Variants in CSMD1 observed in about 807,000 individuals in gnomAD.
The protein encoded by CSMD1 is CUB and sushi domain-containing protein 1.
CSMD1 carries 213 observed loss-of-function variants against 417.5 expected under a neutral mutation model. The observed-to-expected ratio is 0.51, with a 90% CI of 0.46 to 0.57. The LOEUF (loss-of-function observed/expected upper bound fraction) is 0.57, where lower values mean the gene tolerates loss of function less well. Ranked by LOEUF, CSMD1 falls within the 20% of genes least tolerant of loss-of-function variation. The pLI, the probability that CSMD1 is intolerant of heterozygous loss-of-function variation, is 0.00. For synonymous variants in CSMD1, 2,862 were observed against 1,736.8 expected (o/e 1.65, Z -16.11); for missense variants, 6,923 against 4,529.7 (o/e 1.53, Z -15.17).
chr8:2,993,283 G>C (rs376567315), intron 54 of CSMD1, among the ~76,000 whole-genome samples: 1 of 152,158 alleles, frequency 6.6e-6, no homozygotes, highest in African/African-American at 2.4e-5. Context: ...GCAACAAATG[G>C]GTGTGGATTG....
At chr8:3,296,680 C>T (rs557490584) in intron 25 of CSMD1, among the ~76,000 whole-genome samples, 43 of 152,176 alleles carry the variant, frequency 2.8e-4, no homozygotes, top group African/African-American at 8.2e-4. Context: ...GTCCTGGATA[C>T]GTTTTGAAGG....
intron 5 of CSMD1, among the ~76,000 whole-genome samples, chr8:3,829,662 C>A (rs1585057469): frequency 6.6e-6 from 1 of 152,134 alleles, no homozygotes; most frequent in Non-Finnish European, 1.5e-5. Context: ...TTCTATGATG[C>A]AAATGTCCTC....
At chr8:4,441,304 G>T (rs1798466992) in intron 2 of CSMD1, among the ~76,000 whole-genome samples, 1 of 142,520 alleles carries the variant, frequency 7.0e-6, no homozygotes, top group Non-Finnish European at 1.5e-5. Context: ...TAGAGAGGGA[G>T]GTCTCACTCT....
intron 5 of CSMD1, among the ~76,000 whole-genome samples, chr8:3,760,466 C>T (rs1994057): frequency 0.33 from 49,816 of 151,980 alleles, 8,428 homozygotes; most frequent in Non-Finnish European, 0.37. Context: ...AATAATTGTA[C>T]CATACATTTT....
intron 52 of CSMD1, among the ~76,000 whole-genome samples, chr8:3,017,091 T>C (rs1308806681): frequency 6.6e-6 from 1 of 152,238 alleles, no homozygotes; most frequent in East Asian, 1.9e-4. Flanking sequence ...AGATTACGGA[T>C]GTTTGTAAGC....
intron 1 of CSMD1, among the ~76,000 whole-genome samples, chr8:4,954,247 C>T (rs1808936534): frequency 6.6e-6 from 1 of 152,114 alleles, no homozygotes; most frequent in Non-Finnish European, 1.5e-5. Context: ...TATTTTTAAA[C>T]AATTACCAAT....
chr8:3,399,344 A>C, intron 16 of CSMD1, 47 bp downstream of exon 16: 2 of 1,512,200 alleles, frequency 1.3e-6, no homozygotes, highest in Non-Finnish European at 1.8e-6. Flanking sequence ...AAACTATGGA[A>C]GAGACACACA....
At chr8:4,759,098 G>A (rs1343524123) in intron 1 of CSMD1, among the ~76,000 whole-genome samples, 2 of 152,218 alleles carry the variant, frequency 1.3e-5, no homozygotes, top group African/African-American at 4.8e-5. Context: ...GTTAAAGAGT[G>A]AGGGAAATGC....
At chr8:4,213,427 A>C (rs1403261338) in intron 3 of CSMD1, among the ~76,000 whole-genome samples, 1 of 152,146 alleles carries the variant, frequency 6.6e-6, no homozygotes, top group Admixed American at 6.5e-5. Context: ...TGCTTATGGT[A>C]ATAGCTAATA....
At chr8:4,370,190 C>CT (rs1802317404) in intron 3 of CSMD1, among the ~76,000 whole-genome samples, 1 of 151,998 alleles carries the variant, frequency 6.6e-6, no homozygotes, top group Non-Finnish European at 1.5e-5. Flanking sequence ...TTCATTTCTC[C>CT]TTTGCTTATG....
At chr8:3,809,277 C>T (rs551566157) in intron 5 of CSMD1, among the ~76,000 whole-genome samples, 3 of 152,250 alleles carry the variant, frequency 2.0e-5, no homozygotes, top group Admixed American at 1.3e-4. Flanking sequence ...GCTCCCTTTG[C>T]CATATCACAA....
intron 54 of CSMD1, among the ~76,000 whole-genome samples, chr8:2,982,247 T>C (rs1471192081): frequency 6.6e-6 from 1 of 152,034 alleles, no homozygotes; most frequent in Non-Finnish European, 1.5e-5. Flanking sequence ...TTCCAGCTAC[T>C]CAGGAGGCTG....
intron 9 of CSMD1, among the ~76,000 whole-genome samples, chr8:3,580,007 G>A (rs1364428247): frequency 6.6e-6 from 1 of 152,134 alleles, no homozygotes; most frequent in African/African-American, 2.4e-5. Flanking sequence ...AGGAGGCTGA[G>A]GCAGAAGAAT....
chr8:4,212,748 A>ATTATTTTTTTTTTT (rs1233118651), intron 3 of CSMD1, among the ~76,000 whole-genome samples: 1 of 101,864 alleles, frequency 9.8e-6, no homozygotes, highest in African/African-American at 5.3e-5. Flanking sequence ...CAGCGGCCTT[A>ATTATTTTTTTTTTT]TTCTTTTTTT....
At chr8:3,728,023 G>A (rs971141086) in intron 6 of CSMD1, among the ~76,000 whole-genome samples, 2 of 152,164 alleles carry the variant, frequency 1.3e-5, no homozygotes, top group Non-Finnish European at 2.9e-5. Context: ...CAGTGTGACT[G>A]TATTCAATGC....
chr8:4,618,841 C>A (rs1279655781), intron 2 of CSMD1, among the ~76,000 whole-genome samples: 1 of 152,110 alleles, frequency 6.6e-6, no homozygotes, highest in East Asian at 1.9e-4. Context: ...TCTTACCTTA[C>A]TTTTAATGTG....
chr8:3,168,938 AG>A (rs1820409696), intron 37 of CSMD1, among the ~76,000 whole-genome samples: 1 of 151,666 alleles, frequency 6.6e-6, no homozygotes, highest in Non-Finnish European at 1.5e-5. Flanking sequence ...TCTCTCTCTC[AG>A]GGGCTCACAA....
chr8:4,714,456 A>G (rs969407655), intron 1 of CSMD1, among the ~76,000 whole-genome samples: 1 of 152,222 alleles, frequency 6.6e-6, no homozygotes, highest in African/African-American at 2.4e-5. Context: ...AAGTCAAAAT[A>G]CATAAGCGCT....
intron 8 of CSMD1, 58 bp from the exon 9 acceptor site, chr8:3,586,318 G>C: frequency 8.2e-7 from 1 of 1,212,580 alleles, no homozygotes. Flanking sequence ...ACTTCTTTAG[G>C]AAAAAAAAAA....
Sources: gnomAD v4.1 joint callset for allele counts (sites outside exome capture counted in the v4.1 genomes callset) on GRCh38, gnomAD v4.1.1 for gene constraint, MANE v1.5 for transcripts, NCBI Gene and HGNC (gene_info 2026-07-23, HGNC 2026-07-21) for gene names.